The following NRXN1 variants were observed in gnomAD, a reference collection of about 807,000 sequenced individuals.
The protein encoded by NRXN1 is neurexin 1, also known as neurexin-1.
A neutral mutation model predicts 150.9 loss-of-function variants in NRXN1; 39 were observed. That is an observed-to-expected ratio of 0.26 (90% CI 0.20 to 0.34). The LOEUF (loss-of-function observed/expected upper bound fraction) is 0.34. Ranked by LOEUF, NRXN1 falls within the 10% of genes least tolerant of loss-of-function variation. NRXN1 has a pLI of 1.00. For synonymous variants in NRXN1, 924 were observed against 757.0 expected (o/e 1.22, Z -3.62); for missense variants, 1,815 against 1,949.9 (o/e 0.93, Z 1.30).
At chr2:50,649,187 T>G (rs1352537341) in intron 5 of NRXN1, among the ~76,000 whole-genome samples, 2 of 121,854 alleles carry the variant, frequency 1.6e-5, no homozygotes, top group Non-Finnish European at 3.5e-5. Context: ...AATTATGTAT[T>G]AGTTGGGAGG....
intron 15 of NRXN1, among the ~76,000 whole-genome samples, chr2:50,490,619 C>T (rs529888549): frequency 7.9e-5 from 12 of 152,204 alleles, no homozygotes; most frequent in Admixed American, 3.3e-4. Flanking sequence ...GTGTAAGCCA[C>T]GAGACAGAAG....
intron 5 of NRXN1, among the ~76,000 whole-genome samples, chr2:50,646,124 G>A (rs539328401): frequency 1.3e-5 from 2 of 151,918 alleles, no homozygotes; most frequent in Non-Finnish European, 2.9e-5. Flanking sequence ...GGAAGATCTT[G>A]ACAAACTCTA....
intron 2 of NRXN1, among the ~76,000 whole-genome samples, chr2:51,025,528 A>C (rs1670307046): frequency 6.6e-6 from 1 of 152,108 alleles, no homozygotes; most frequent in Admixed American, 6.5e-5. Flanking sequence ...ATTGTGTCAT[A>C]TTTGTTTCCT....
intron 17 of NRXN1, among the ~76,000 whole-genome samples, chr2:50,305,492 G>T (rs2074533027): frequency 6.6e-6 from 1 of 152,058 alleles, no homozygotes; most frequent in Non-Finnish European, 1.5e-5. Context: ...CCAGAAACAA[G>T]AAAAATTTTA....
At chr2:50,020,067 T>C (rs1687333454) in intron 21 of NRXN1, among the ~76,000 whole-genome samples, 1 of 151,566 alleles carries the variant, frequency 6.6e-6, no homozygotes, top group Admixed American at 6.6e-5. Flanking sequence ...CTCAGGTTTA[T>C]CTTAATAGGT....
chr2:50,642,818 A>T (rs72885649), intron 5 of NRXN1, among the ~76,000 whole-genome samples: 2,342 of 152,080 alleles, frequency 0.015, 64 homozygotes, highest in African/African-American at 0.053. Context: ...GTCTATTACT[A>T]GACATTTTTA....
At chr2:50,796,860 T>C (rs1208673699) in intron 5 of NRXN1, among the ~76,000 whole-genome samples, 1 of 152,182 alleles carries the variant, frequency 6.6e-6, no homozygotes, top group Non-Finnish European at 1.5e-5. Context: ...GAGAAATTTA[T>C]TGTTCTCAGT....
At chr2:50,811,730 T>C (rs972670685) in intron 5 of NRXN1, among the ~76,000 whole-genome samples, 35 of 152,196 alleles carry the variant, frequency 2.3e-4, no homozygotes, top group African/African-American at 8.2e-4. Flanking sequence ...TGTCTTTGTA[T>C]AAACTTTTAT....
intron 5 of NRXN1, among the ~76,000 whole-genome samples, chr2:50,859,418 A>G (rs994701090): frequency 2.0e-5 from 3 of 152,056 alleles, no homozygotes. Context: ...TATTCAGCTC[A>G]TAAAAGGGTT....
intron 5 of NRXN1, among the ~76,000 whole-genome samples, chr2:50,681,327 G>A (rs559052944): frequency 1.1e-4 from 17 of 152,286 alleles, no homozygotes; most frequent in African/African-American, 4.1e-4. Context: ...GAAATTGAAT[G>A]ATCTTGATCT....
At chr2:50,517,811 T>G (rs778727386) in intron 12 of NRXN1, among the ~76,000 whole-genome samples, 3 of 152,132 alleles carry the variant, frequency 2.0e-5, no homozygotes, top group Non-Finnish European at 4.4e-5. Flanking sequence ...TGTCCTCAAG[T>G]GGATGTGACC....
At chr2:49,993,032 A>C (rs143341927) in intron 21 of NRXN1, among the ~76,000 whole-genome samples, 1 of 152,310 alleles carries the variant, frequency 6.6e-6, no homozygotes, top group East Asian at 1.9e-4. Flanking sequence ...TACTTTTACC[A>C]TACAATCCAG....
At chr2:50,110,499 A>AG (rs1167084961) in intron 18 of NRXN1, among the ~76,000 whole-genome samples, 1 of 151,340 alleles carries the variant, frequency 6.6e-6, no homozygotes, top group East Asian at 1.9e-4. Flanking sequence ...CTCAAAAAAA[A>AG]AAAAAAAAAA....
chr2:50,629,934 C>T (rs1440069976), intron 5 of NRXN1, among the ~76,000 whole-genome samples: 1 of 148,476 alleles, frequency 6.7e-6, no homozygotes, highest in African/African-American at 2.5e-5. Flanking sequence ...TGGATTGATT[C>T]AAGATGAAAA....
At chr2:50,647,513 T>C (rs1311756499) in intron 5 of NRXN1, among the ~76,000 whole-genome samples, 2 of 151,988 alleles carry the variant, frequency 1.3e-5, no homozygotes, top group Admixed American at 1.3e-4. Context: ...ACACTGCTTG[T>C]GTATAATCAC....
intron 17 of NRXN1, among the ~76,000 whole-genome samples, chr2:50,389,450 A>T (rs904110155): frequency 4.6e-5 from 7 of 151,826 alleles, no homozygotes; most frequent in African/African-American, 1.7e-4. Flanking sequence ...ATTGGTTAAT[A>T]ATAATAACTG....
chr2:49,959,536 G>T (rs937248146), intron 21 of NRXN1, among the ~76,000 whole-genome samples: 24 of 152,218 alleles, frequency 1.6e-4, no homozygotes, highest in Non-Finnish European at 2.9e-4. Flanking sequence ...TTACAATGCT[G>T]CTTTCCAGTG....
chr2:49,929,810 A>G (rs1669810671), intron 22 of NRXN1, among the ~76,000 whole-genome samples: 1 of 152,124 alleles, frequency 6.6e-6, no homozygotes. Flanking sequence ...TGAGGTCCTG[A>G]GGGTATAGGA....
At chr2:50,274,146 A>G (rs2070090314) in intron 17 of NRXN1, among the ~76,000 whole-genome samples, 1 of 152,200 alleles carries the variant, frequency 6.6e-6, no homozygotes, top group African/African-American at 2.4e-5. Flanking sequence ...TCAATGACAG[A>G]CTGGATAAAG....
Sources: allele counts gnomAD v4.1 joint callset (sites outside exome capture counted in the v4.1 genomes callset), GRCh38; gene constraint gnomAD v4.1.1; transcripts MANE v1.5; gene names NCBI Gene and HGNC (gene_info 2026-07-23, HGNC 2026-07-21).